BTBD9: variants seen among roughly 807,000 people sequenced by gnomAD.
BTBD9 encodes BTB/POZ domain-containing protein 9.
A neutral mutation model predicts 64.3 loss-of-function variants in BTBD9; 49 were observed. The observed-to-expected ratio is 0.76, with a 90% confidence interval of 0.61 to 0.97. The LOEUF (loss-of-function observed/expected upper bound fraction) is 0.97. BTBD9 is among the 50% of genes least tolerant of loss of function. The pLI is 0.00. For missense variants in BTBD9, 598 were observed against 762.1 expected, an observed-to-expected ratio of 0.78 and a Z score of 2.53; for synonymous variants, 260 against 274.7, an observed-to-expected ratio of 0.95 and a Z score of 0.53.
intron 6 of BTBD9, among the ~76,000 whole-genome samples, chr6:38,388,419 T>A (rs1244809884): frequency 1.3e-5 from 2 of 152,212 alleles, no homozygotes; most frequent in Admixed American, 1.3e-4. Context: ...AGTGCCTGTA[T>A]TAGCTGTTAG....
At chr6:38,416,490 A>G (rs1370741383) in intron 6 of BTBD9, among the ~76,000 whole-genome samples, 1 of 138,972 alleles carries the variant, frequency 7.2e-6, no homozygotes, top group Non-Finnish European at 1.5e-5. Context: ...GCCCGCCACC[A>G]TGCCCAGCTA....
chr6:38,522,799 C>A (rs1773326716), intron 6 of BTBD9, among the ~76,000 whole-genome samples: 1 of 152,108 alleles, frequency 6.6e-6, no homozygotes, highest in African/African-American at 2.4e-5. Flanking sequence ...ATATTCCACC[C>A]ACAGACAGCT....
rs554179069 is a variant in BTBD9, at chr6:38,175,111, C to G, written c.1713G>C (p.Ser571=). 17 of 1,614,116 alleles carry G rather than the reference C, an allele frequency of 1.1e-5. No individual in the cohort carries two copies. The Admixed American group carries it at 2.8e-4, about 27-fold the overall frequency. Residue 571 remains serine (S), a synonymous_variant, in exon 11 of 11, where the codon TCG becomes TCC. Transcript: ENST00000481247. Reference sequence around the variant, plus strand: ...CGGCCAGGCTGGTGTCCCCTGTCCCCGATTCCTCACTATTTTCCTCCTTCT... The same window carrying G: ...CGGCCAGGCTGGTGTCCCCTGTCCCGGATTCCTCACTATTTTCCTCCTTCT... ...SSQKEENSEE[S]GTGDTSLAGQ...
In BTBD9 at chr6:38,177,866, T is replaced by C. The variant is rs568722405; in HGVS notation, c.1642-2684A>G. ...CACCTAACAAGACTGACAGCCAATCTCAACTGCTTCTGTGTTTTCCTATGG... is the reference window on the plus strand; with the variant it reads ...CACCTAACAAGACTGACAGCCAATCCCAACTGCTTCTGTGTTTTCCTATGG... On this transcript the variant is annotated intron_variant, in intron 10 of 10. Transcript: ENST00000481247. 4.6e-5 allele frequency among the ~76,000 whole-genome samples: 7 copies of C among 152,340 alleles called. No homozygotes were observed. The East Asian group carries it at 1.4e-3, about 29-fold the overall frequency.
chr6:38,487,102 C>T (rs1248989630), intron 6 of BTBD9, among the ~76,000 whole-genome samples: 1 of 152,156 alleles, frequency 6.6e-6, no homozygotes, highest in Non-Finnish European at 1.5e-5. Flanking sequence ...TCAGGAACAG[C>T]ACAAAGGACA....
intron 1 of BTBD9, among the ~76,000 whole-genome samples, chr6:38,639,449 T>G (rs1426324360): frequency 1.3e-5 from 2 of 152,014 alleles, no homozygotes; most frequent in Non-Finnish European, 2.9e-5. Context: ...GGGTTTCGCC[T>G]CCTCAGTCCC....
chr6:38,584,949 T>C (rs1326787360), intron 4 of BTBD9, among the ~76,000 whole-genome samples: 1 of 151,886 alleles, frequency 6.6e-6, no homozygotes, highest in East Asian at 1.9e-4. Context: ...GCTTGGTGAG[T>C]CAGAAGACCA....
intron 9 of BTBD9, among the ~76,000 whole-genome samples, chr6:38,235,230 G>A (rs1487977242): frequency 6.6e-6 from 1 of 152,168 alleles, no homozygotes; most frequent in African/African-American, 2.4e-5. Flanking sequence ...GATAAAAAGG[G>A]GTTGAATGAG....
chr6:38,611,588 G>A (rs1331834291), intron 1 of BTBD9, among the ~76,000 whole-genome samples: 2 of 152,118 alleles, frequency 1.3e-5, no homozygotes, highest in Non-Finnish European at 2.9e-5. Flanking sequence ...GCAAATCCTG[G>A]AGGGCAGTGA....
At chr6:38,237,721 T>G (rs1001626857) in intron 9 of BTBD9, among the ~76,000 whole-genome samples, 2 of 152,172 alleles carry the variant, frequency 1.3e-5, no homozygotes, top group Non-Finnish European at 2.9e-5. Context: ...AAAAAAGTGC[T>G]GAATCTTATG....
intron 6 of BTBD9, among the ~76,000 whole-genome samples, chr6:38,376,828 T>C (rs1337918134): frequency 6.6e-6 from 1 of 152,184 alleles, no homozygotes; most frequent in African/African-American, 2.4e-5. Context: ...GTTATACTTG[T>C]AAAAAGCTAT....
At chr6:38,228,168 C>A (rs1291740699) in intron 9 of BTBD9, among the ~76,000 whole-genome samples, 1 of 151,268 alleles carries the variant, frequency 6.6e-6, no homozygotes, top group Non-Finnish European at 1.5e-5. Context: ...TTGAGACCAG[C>A]CTGGGCAAAA....
chr6:38,621,438 T>C (rs1041767197), intron 1 of BTBD9, among the ~76,000 whole-genome samples: 3 of 152,134 alleles, frequency 2.0e-5, no homozygotes, highest in Non-Finnish European at 4.4e-5. Flanking sequence ...TTAACCTATA[T>C]ACTGATGGAA....
intron 10 of BTBD9, among the ~76,000 whole-genome samples, chr6:38,182,776 A>G (rs1761619166): frequency 6.6e-6 from 1 of 152,104 alleles, no homozygotes; most frequent in Non-Finnish European, 1.5e-5. Flanking sequence ...GCTCCTGGGT[A>G]CTCATCTGCC....
At chr6:38,404,717 A>AT (rs1418803942) in intron 6 of BTBD9, among the ~76,000 whole-genome samples, 3 of 152,210 alleles carry the variant, frequency 2.0e-5, no homozygotes, top group Non-Finnish European at 4.4e-5. Flanking sequence ...CAGATAAGGG[A>AT]TAAACTGATG....
intron 1 of BTBD9, among the ~76,000 whole-genome samples, chr6:38,604,090 C>A (rs1431806879): frequency 1.3e-5 from 2 of 152,130 alleles, no homozygotes; most frequent in Non-Finnish European, 2.9e-5. Context: ...CTAGATGTAA[C>A]CTTGACTCTG....
At chr6:38,438,868 A>T (rs1200417095) in intron 6 of BTBD9, among the ~76,000 whole-genome samples, 4 of 152,222 alleles carry the variant, frequency 2.6e-5, no homozygotes, top group African/African-American at 9.6e-5. Context: ...CCTTACTGAG[A>T]AAACGGAATA....
intron 6 of BTBD9, among the ~76,000 whole-genome samples, chr6:38,428,707 C>A (rs975390809): frequency 6.7e-6 from 1 of 149,662 alleles, no homozygotes; most frequent in Non-Finnish European, 1.5e-5. Context: ...AATGATTTTT[C>A]GTTTTTTCTT....
Position 38,374,252 on chromosome 6 carries a change from G to A in BTBD9, c.1155-29159C>T, listed in dbSNP as rs1765546209. Among the ~76,000 whole-genome samples the A allele has an allele frequency of 1.9e-5, 2 of 103,104 alleles. 1 individual carries two copies. Among genetic ancestry groups the A allele is most frequent in the African/African-American group, 8.1e-5 (2 of 24,842 alleles). 67.6% of individuals were successfully genotyped at this position (103,104 alleles called of 152,430 possible). On this transcript the variant is annotated intron_variant, in intron 6 of 10. Coordinates refer to ENST00000481247, the MANE Select transcript of BTBD9 (RefSeq NM_001099272.2). ...CCACCGTACTCCAGCCTGGGCGACA[G>A]AGTGAGGCCTTGTGTCGAAAAAAAA...
Sources: gnomAD v4.1 joint callset for allele counts (sites outside exome capture counted in the v4.1 genomes callset) on GRCh38, gnomAD v4.1.1 for gene constraint, MANE v1.5 for transcripts, NCBI Gene and HGNC (gene_info 2026-07-23, HGNC 2026-07-21) for gene names.